MAST4: variants seen among roughly 807,000 people sequenced by gnomAD.
MAST4 encodes microtubule associated serine/threonine kinase family member 4, also known as microtubule-associated serine/threonine-protein kinase 4.
Under a neutral mutation model 162.7 loss-of-function variants are expected in MAST4, and 89 were observed. The ratio of observed to expected loss-of-function variants is 0.55; its 90% CI spans 0.46 to 0.65. MAST4 has a LOEUF of 0.65. MAST4 is among the 30% of genes least tolerant of loss of function. The pLI, the probability that MAST4 is intolerant of heterozygous loss-of-function variation, is 0.00. For missense variants in MAST4, 3,153 were observed against 3,374.0 expected (o/e 0.93, Z 1.62); for synonymous variants, 1,479 against 1,361.1 (o/e 1.09, Z -1.91).
At chr5:66,856,807 C>G (rs1375823993) in intron 3 of MAST4, among the ~76,000 whole-genome samples, 2 of 152,120 alleles carry the variant, frequency 1.3e-5, no homozygotes, top group Admixed American at 6.5e-5. Context: ...AAATATTGAC[C>G]TGGACAAGAA....
chr5:67,071,500 C>A (rs1454717514), intron 5 of MAST4, among the ~76,000 whole-genome samples: 1 of 152,142 alleles, frequency 6.6e-6, no homozygotes, highest in African/African-American at 2.4e-5. Flanking sequence ...CGCCTGTAAT[C>A]CCAGCACTTT....
chr5:67,075,301 A>G (rs892398044), intron 5 of MAST4, among the ~76,000 whole-genome samples: 3 of 151,452 alleles, frequency 2.0e-5, no homozygotes, highest in Non-Finnish European at 4.4e-5. Context: ...CCTCCTTAGT[A>G]ACTGAGAACT....
intron 1 of MAST4, among the ~76,000 whole-genome samples, chr5:66,647,677 T>C (rs1158858963): frequency 6.6e-6 from 1 of 151,980 alleles, no homozygotes; most frequent in East Asian, 1.9e-4. Context: ...GGTATGGGAG[T>C]GATGTGGGGT....
intron 3 of MAST4, among the ~76,000 whole-genome samples, chr5:66,811,347 A>ATTTT (rs1364162760): frequency 2.0e-5 from 3 of 152,182 alleles, no homozygotes; most frequent in African/African-American, 7.2e-5. Context: ...TAATGACACC[A>ATTTT]TTTTTGGGTA....
At chr5:66,858,600 T>C (rs1333260211) in intron 3 of MAST4, among the ~76,000 whole-genome samples, 1 of 152,208 alleles carries the variant, frequency 6.6e-6, no homozygotes, top group Non-Finnish European at 1.5e-5. Context: ...TTGACTTTTG[T>C]AGGGCACGTC....
chr5:66,857,796 CTT>C (rs1300962629), intron 3 of MAST4, among the ~76,000 whole-genome samples: 1 of 152,012 alleles, frequency 6.6e-6, no homozygotes, highest in Non-Finnish European at 1.5e-5. Context: ...CTGCTGTTTT[CTT>C]TAAAATTTAC....
intron 1 of MAST4, among the ~76,000 whole-genome samples, chr5:66,725,102 AT>A: frequency 6.6e-6 from 1 of 151,340 alleles, no homozygotes; most frequent in Middle Eastern, 3.4e-3. Flanking sequence ...TGTTTTTTTA[AT>A]TTTTAAATTT....
rs1178234993 is a variant in MAST4 at position 67,152,644 on chromosome 5, T to G, written c.3303T>G (p.Phe1101Leu). 1.2e-6 allele frequency: 2 copies of G among 1,613,740 alleles called. No homozygotes were observed. Among genetic ancestry groups the G allele is most frequent in the East Asian group, 2.2e-5 (1 of 44,894 alleles). ...ALSLMIPGDM[F>L]AVSPLGSPMS... ...CTGGCTTCTTTGTTACAGATATGTT[T>G]GCTGTTTCCCCTCTGGGAAGTCCAA... Residue 1101 changes from phenylalanine (F) to leucine (L), a missense_variant, in exon 25 of 29, where the codon TTT becomes TTG. By Grantham distance (22) the Phe-to-Leu change is conservative. Around this residue, in one of 7 missense-constraint regions of MAST4, gnomAD observed 619 missense variants for 744.2 expected, o/e 0.83. Transcript: ENST00000403625.
At chr5:67,017,313 G>A (rs1287476626) in intron 4 of MAST4, among the ~76,000 whole-genome samples, 2 of 152,104 alleles carry the variant, frequency 1.3e-5, no homozygotes, top group Non-Finnish European at 2.9e-5. Context: ...ACCTAAGGAC[G>A]GAATGAAAGA....
intron 24 of MAST4, among the ~76,000 whole-genome samples, chr5:67,151,192 C>T (rs77253437): frequency 0.03 from 4,544 of 152,304 alleles, 99 homozygotes; most frequent in Non-Finnish European, 0.046. Flanking sequence ...TTCATTTCTG[C>T]TGCTATAACA....
intron 1 of MAST4, among the ~76,000 whole-genome samples, chr5:66,651,380 C>T (rs1055166502): frequency 4.6e-5 from 7 of 152,048 alleles, no homozygotes; most frequent in Admixed American, 1.3e-4. Flanking sequence ...TGAGGACCTT[C>T]GTCTGATATT....
intron 4 of MAST4, chr5:66,902,572 C>A: frequency 1.4e-5 from 4 of 292,348 alleles, no homozygotes; most frequent in Admixed American, 4.8e-5. Flanking sequence ...ATTCACATCC[C>A]CACTAATTTA....
intron 4 of MAST4, among the ~76,000 whole-genome samples, chr5:66,983,890 A>G (rs374201278): frequency 6.6e-6 from 1 of 152,210 alleles, no homozygotes; most frequent in African/African-American, 2.4e-5. Context: ...GAGGACAGAG[A>G]AAGAAGTCCT....
intron 4 of MAST4, among the ~76,000 whole-genome samples, chr5:66,943,028 A>G (rs1580959767): frequency 1.3e-5 from 2 of 152,076 alleles, no homozygotes. Context: ...GGCCTCTTTT[A>G]TAAGGTACTG....
chr5:66,921,383 A>G (rs1324961473), intron 4 of MAST4, among the ~76,000 whole-genome samples: 1 of 152,230 alleles, frequency 6.6e-6, no homozygotes, highest in Non-Finnish European at 1.5e-5. Context: ...ACCTTCGTCC[A>G]GAGGCATTCT....
intron 27 of MAST4, 99 bp downstream of exon 27, chr5:67,160,691 T>C: frequency 7.4e-7 from 1 of 1,342,382 alleles, no homozygotes; most frequent in Non-Finnish European, 1.0e-6. Context: ...GATCTATTTT[T>C]CTGTGAGAAA....
intron 4 of MAST4, among the ~76,000 whole-genome samples, chr5:67,000,756 A>AGCG (rs1554079055): frequency 5.7e-5 from 8 of 141,436 alleles, no homozygotes; most frequent in South Asian, 2.5e-4. Flanking sequence ...CTAAAAAAAA[A>AGCG]GGGGGGGGGT....
At chr5:66,699,026 T>C (rs755521005) in intron 1 of MAST4, among the ~76,000 whole-genome samples, 1 of 152,224 alleles carries the variant, frequency 6.6e-6, no homozygotes, top group African/African-American at 2.4e-5. Context: ...ATTTCTCTGC[T>C]TAGAATCTAT....
chr5:67,134,546 T>C lies in MAST4; in HGVS notation c.2250T>C (p.Ile750=), dbSNP rs1480992157. The change falls in exon 18 of 29, where the codon ATT becomes ATC. Residue 750 remains isoleucine, a synonymous_variant. Coordinates refer to ENST00000403625, the MANE Select transcript of MAST4 (RefSeq NM_001164664.2). ...AGGTCTGTGGCACACCTGAATACAT[T>C]GCACCAGAAGTGATTCTGAGGCAGG... ...DKQVCGTPEY[I]APEVILRQGY... 2 of 1,613,532 alleles carry C rather than the reference T, an allele frequency of 1.2e-6. No individual in the cohort carries two copies. The highest frequency in any genetic ancestry group is 1.7e-6 in the Non-Finnish European group (2 of 1,179,604).
Sources: allele counts gnomAD v4.1 joint callset (sites outside exome capture counted in the v4.1 genomes callset), GRCh38; gene constraint gnomAD v4.1.1; regional missense constraint gnomAD v4.1.1; transcripts MANE v1.5; gene names NCBI Gene and HGNC (gene_info 2026-07-23, HGNC 2026-07-21).